CCDC102B: variants seen among roughly 807,000 people sequenced by gnomAD.
CCDC102B encodes the protein coiled-coil domain-containing protein 102B.
In CCDC102B, 75 loss-of-function variants were observed where a neutral mutation model predicts 57.4. That is an observed-to-expected ratio of 1.31 (90% CI 1.08 to 1.58). The LOEUF is 1.58. Among genes scored for constraint, CCDC102B ranks in the 40% most tolerant of loss-of-function variants. CCDC102B has a pLI of 0.00. For synonymous variants in CCDC102B, 206 were observed against 201.9 expected (o/e 1.02, Z -0.17); for missense variants, 636 against 582.6 (o/e 1.09, Z -0.94).
intron 6 of CCDC102B, among the ~76,000 whole-genome samples, chr18:68,910,624 G>T (rs992502135): frequency 7.2e-5 from 11 of 152,166 alleles, no homozygotes; most frequent in African/African-American, 2.7e-4. Context: ...CTCCGAGAAA[G>T]TAAGTTGCCT....
In CCDC102B at chr18:68,911,751, CAAAA is replaced by C. The variant is rs74175338; in HGVS notation, c.1263+14344_1263+14347del. On this transcript the variant is annotated intron_variant, in intron 6 of 7. Transcript: ENST00000360242. The stretch of plus-strand genomic sequence containing the variant: ...TGGGCGACAGAGCGAGACTCCGTCT[CAAAA>C]AAAAAAAAAAAAAAAAAAAAGATCA... Among the ~76,000 whole-genome samples, 10 of 18,008 alleles carry C rather than the reference CAAAA, an allele frequency of 5.6e-4. 1 individual carries two copies. Among genetic ancestry groups the C allele is most frequent in the Non-Finnish European group, 9.4e-4 (8 of 8,500 alleles). The allele number at this position is 18,008 out of a possible 152,430, so 11.8% of individuals were successfully genotyped here.
In CCDC102B at chr18:68,924,375, C is replaced by T. The variant is rs532349322; in HGVS notation, c.1263+26947C>T. On this transcript the variant is annotated intron_variant, in intron 6 of 7. Transcript: ENST00000360242. ...TCTGATGGTTTAATAAGGGGCTTTT[C>T]CCCCTACCTCCACCATACTTCTTCC... is the stretch of plus-strand genomic sequence containing the variant. 2.0e-5 allele frequency among the ~76,000 whole-genome samples: 3 copies of T among 152,066 alleles called. No homozygotes were observed. The East Asian group carries it at 5.8e-4, about 30-fold the overall frequency.
chr18:69,053,975 T>C (rs543738874), intron 7 of CCDC102B, 55 bp from the exon 8 acceptor site: 2 of 1,354,218 alleles, frequency 1.5e-6, no homozygotes, highest in South Asian at 1.3e-5. Flanking sequence ...ATAGCCACCA[T>C]GATGTACTAT....
At chr18:68,728,172 C>G (rs2032686978) in intron 2 of CCDC102B, among the ~76,000 whole-genome samples, 1 of 152,168 alleles carries the variant, frequency 6.6e-6, no homozygotes, top group South Asian at 2.1e-4. Flanking sequence ...CTACTGGACT[C>G]TGCTGAAGCT....
intron 7 of CCDC102B, among the ~76,000 whole-genome samples, chr18:69,013,630 T>G (rs2051581028): frequency 6.6e-6 from 1 of 152,244 alleles, no homozygotes. Context: ...TTTCCTGTAA[T>G]ACACTGGAAA....
intron 6 of CCDC102B, among the ~76,000 whole-genome samples, chr18:68,976,941 C>T (rs1388284576): frequency 6.6e-6 from 1 of 151,974 alleles, no homozygotes; most frequent in Non-Finnish European, 1.5e-5. Flanking sequence ...TGGATTTTTA[C>T]ATCACTGATA....
intron 6 of CCDC102B, among the ~76,000 whole-genome samples, chr18:68,915,740 G>T (rs1368482534): frequency 6.6e-6 from 1 of 152,098 alleles, no homozygotes; most frequent in Non-Finnish European, 1.5e-5. Context: ...CATTATTTCC[G>T]ATAAGATGTG....
At chr18:68,857,268 TATATATATA>T (rs2038484397) in intron 4 of CCDC102B, among the ~76,000 whole-genome samples, 1 of 10,514 alleles carries the variant, frequency 9.5e-5, no homozygotes, top group Non-Finnish European at 5.4e-4. Flanking sequence ...AATATATAAA[TATATATATA>T]ATATATATTT....
At chr18:69,055,279 C>A, downstream of CCDC102B, 1 of 490,534 alleles carries the variant, frequency 2.0e-6, no homozygotes, top group Non-Finnish European at 2.6e-6. Context: ...CTAATAGGAA[C>A]GCAGCACTGA....
chr18:68,899,546 C>T (rs2040365406), intron 6 of CCDC102B, among the ~76,000 whole-genome samples: 1 of 151,938 alleles, frequency 6.6e-6, no homozygotes, highest in African/African-American at 2.4e-5. Flanking sequence ...CTAGTGCAAA[C>T]ACTGCACGAT....
At chr18:68,972,850 C>G (rs899982683) in intron 6 of CCDC102B, among the ~76,000 whole-genome samples, 3 of 151,976 alleles carry the variant, frequency 2.0e-5, no homozygotes, top group Non-Finnish European at 2.9e-5. Context: ...AGACGCCGGT[C>G]AAAAATGTTT....
At chr18:68,996,463 C>A (rs574705025) in intron 6 of CCDC102B, among the ~76,000 whole-genome samples, 1 of 152,166 alleles carries the variant, frequency 6.6e-6, no homozygotes, top group African/African-American at 2.4e-5. Flanking sequence ...GGGGACTTTA[C>A]CTTGTGATCA....
At chr18:69,048,684 C>T (rs1036627835) in intron 7 of CCDC102B, among the ~76,000 whole-genome samples, 3 of 151,952 alleles carry the variant, frequency 2.0e-5, no homozygotes, top group African/African-American at 7.2e-5. Context: ...GAAGAGTTTA[C>T]AGAATAGCAT....
intron 6 of CCDC102B, among the ~76,000 whole-genome samples, chr18:68,990,699 G>T (rs2050841864): frequency 6.6e-6 from 1 of 152,054 alleles, no homozygotes; most frequent in South Asian, 2.1e-4. Context: ...TCCGCTTGAA[G>T]AATTATTTAT....
rs2145393217 is a variant in CCDC102B, at chr18:69,011,050, A to G, written c.1380A>G (p.Lys460=). The change falls in exon 7 of 8, where the codon AAA becomes AAG. Residue 460 remains lysine, a synonymous_variant. Coordinates refer to ENST00000360242, the MANE Select transcript of CCDC102B (RefSeq NM_024781.3). ...RVDQNEAEVK[K]LRLRVEELKQ... is the part of the protein sequence containing the mutation. Reference sequence around the variant, plus strand: ...ATCAAAATGAAGCAGAAGTAAAGAAACTAAGATTACGAGTGGAAGAACTAA... The same window carrying G: ...ATCAAAATGAAGCAGAAGTAAAGAAGCTAAGATTACGAGTGGAAGAACTAA... The G allele has an allele frequency of 1.2e-6, 2 of 1,613,996 alleles. No homozygotes were observed. The highest frequency in any genetic ancestry group is 1.7e-5 in the Admixed American group (1 of 60,026).
At chr18:69,056,928 C>T (rs578166564), downstream of CCDC102B, among the ~76,000 whole-genome samples, 114 of 152,070 alleles carry the variant, frequency 7.5e-4, no homozygotes, top group African/African-American at 2.4e-3. Context: ...TTCTCAGCCC[C>T]TTTCTAGGAA....
At chr18:68,768,531 T>C (rs532782501) in intron 2 of CCDC102B, among the ~76,000 whole-genome samples, 22 of 152,306 alleles carry the variant, frequency 1.4e-4, no homozygotes, top group African/African-American at 4.3e-4. Flanking sequence ...CTATGAAACA[T>C]TGCACAATTT....
chr18:68,958,695 C>A (rs905487028), intron 6 of CCDC102B, among the ~76,000 whole-genome samples: 17 of 151,022 alleles, frequency 1.1e-4, no homozygotes, highest in Admixed American at 8.6e-4. Flanking sequence ...TTTCTTTTTT[C>A]TTCTGTCTTC....
At chr18:68,942,692 T>A (rs2049412231) in intron 6 of CCDC102B, among the ~76,000 whole-genome samples, 2 of 152,006 alleles carry the variant, frequency 1.3e-5, no homozygotes, top group African/African-American at 4.8e-5. Context: ...AGATGGAATA[T>A]ACAATCGGGT....
Sources: gnomAD v4.1 joint callset for allele counts (sites outside exome capture counted in the v4.1 genomes callset) on GRCh38, gnomAD v4.1.1 for gene constraint, MANE v1.5 for transcripts, NCBI Gene and HGNC (gene_info 2026-07-23, HGNC 2026-07-21) for gene names.